CDYL2: variants seen among roughly 807,000 people sequenced by gnomAD.
The protein encoded by CDYL2 is chromodomain Y like 2.
CDYL2 carries 23 observed loss-of-function variants against 49.4 expected under a neutral mutation model. The observed-to-expected ratio is 0.47, with a 90% CI of 0.34 to 0.66. CDYL2 has a LOEUF of 0.66. CDYL2 is among the 30% of genes least tolerant of loss of function. CDYL2 has a pLI of 0.01. For missense variants in CDYL2, 678 were observed against 656.4 expected (o/e 1.03, Z -0.36); for synonymous variants, 360 against 268.8 (o/e 1.34, Z -3.32).
chr16:80,663,281 G>A (rs1375936729), intron 2 of CDYL2, among the ~76,000 whole-genome samples: 1 of 151,586 alleles, frequency 6.6e-6, no homozygotes, highest in African/African-American at 2.4e-5. Flanking sequence ...ATGTCAGGAG[G>A]TGAGGTGGAG....
intron 2 of CDYL2, among the ~76,000 whole-genome samples, chr16:80,660,773 G>T (rs547365479): frequency 1.4e-4 from 22 of 152,260 alleles, no homozygotes; most frequent in African/African-American, 5.1e-4. Context: ...GCAAAGAGGG[G>T]AAGAAAAACT....
intron 3 of CDYL2, among the ~76,000 whole-genome samples, chr16:80,625,627 AAATAAC>A (rs1386300916): frequency 1.3e-5 from 2 of 152,242 alleles, no homozygotes; most frequent in Non-Finnish European, 2.9e-5. Context: ...TAAGCAATAG[AAATAAC>A]AATACACGCA....
At chr16:80,798,905 G>C (rs1233385425) in intron 1 of CDYL2, among the ~76,000 whole-genome samples, 3 of 151,946 alleles carry the variant, frequency 2.0e-5, no homozygotes, top group African/African-American at 7.3e-5. Context: ...GATAACAGGG[G>C]ATTAGTTATA....
intron 1 of CDYL2, among the ~76,000 whole-genome samples, chr16:80,733,769 G>C (rs1001040483): frequency 2.0e-5 from 3 of 152,168 alleles, no homozygotes; most frequent in Admixed American, 6.5e-5. Flanking sequence ...CACAGACCCA[G>C]TGATTGCCTT....
chr16:80,670,709 G>A (rs1225092996), intron 2 of CDYL2, among the ~76,000 whole-genome samples: 2 of 152,058 alleles, frequency 1.3e-5, no homozygotes, highest in African/African-American at 2.4e-5. Flanking sequence ...GGCTCATTTT[G>A]CCCCAGGGTC....
At chr16:80,798,580 A>G (rs1907834742) in intron 1 of CDYL2, among the ~76,000 whole-genome samples, 1 of 152,248 alleles carries the variant, frequency 6.6e-6, no homozygotes, top group African/African-American at 2.4e-5. Flanking sequence ...AGAATAGAGT[A>G]TATACTACAT....
chr16:80,641,734 C>A lies in CDYL2; in HGVS notation c.617-8498G>T, dbSNP rs377567786. On this transcript the variant is annotated intron_variant, in intron 2 of 6. Coordinates refer to ENST00000570137, the MANE Select transcript of CDYL2 (RefSeq NM_152342.4). ...GACACAGGAAGGGGAACATCACACT[C>A]TGGGGACTGTTGTGGGGTGGGGGGA... is the stretch of plus-strand genomic sequence containing the variant. Among the ~76,000 whole-genome samples, 202 of 114,606 alleles carry A rather than the reference C, an allele frequency of 1.8e-3. 1 individual carries two copies. The highest frequency in any genetic ancestry group is 2.8e-3 in the Admixed American group (21 of 7,482). 75.2% of individuals were successfully genotyped at this position (114,606 alleles called of 152,430 possible).
intron 1 of CDYL2, among the ~76,000 whole-genome samples, chr16:80,803,856 C>A (rs1908008028): frequency 6.8e-6 from 1 of 146,654 alleles, no homozygotes; most frequent in Non-Finnish European, 1.5e-5. Context: ...CCCGGCTCCG[C>A]CCGGCTTCCT....
chr16:80,727,049 G>A (rs1374987750), intron 1 of CDYL2, among the ~76,000 whole-genome samples: 2 of 152,352 alleles, frequency 1.3e-5, no homozygotes, highest in East Asian at 1.9e-4. Flanking sequence ...CTGTGCCTGG[G>A]CAAGAGAGCA....
At chr16:80,696,892 G>A (rs1910633909) in intron 1 of CDYL2, among the ~76,000 whole-genome samples, 1 of 152,168 alleles carries the variant, frequency 6.6e-6, no homozygotes, top group Non-Finnish European at 1.5e-5. Context: ...AGCTCCTCTG[G>A]AGGTGGAAGT....
intron 2 of CDYL2, among the ~76,000 whole-genome samples, chr16:80,676,036 C>G (rs953478204): frequency 1.4e-4 from 22 of 152,112 alleles, no homozygotes; most frequent in African/African-American, 5.1e-4. Context: ...ATTCAGGAGC[C>G]AAGCGGGGAG....
chr16:80,620,614 T>G, intron 4 of CDYL2, 149 bp downstream of exon 4: 7 of 596,640 alleles, frequency 1.2e-5, no homozygotes, highest in Non-Finnish European at 1.7e-5. Flanking sequence ...TTTAAAAATG[T>G]AAGCAGACCT....
chr16:80,684,448 T>C lies in CDYL2; in HGVS notation c.616+90A>G, dbSNP rs1317513824. 7.6e-6 allele frequency: 9 copies of C among 1,188,428 alleles called. No individual in the cohort carries two copies. In the African/African-American group the frequency reaches 1.4e-4, roughly 18 times the overall value. The allele number at this position is 1,188,428 out of a possible 1,614,324, so 73.6% of individuals were successfully genotyped here. A position where few individuals can be genotyped will look rare whatever the true frequency, so the allele number is the denominator to read the frequency against. Reference sequence around the variant, plus strand: ...GCTAGCTAAGAGACGGGGATGGAGGTGGGGGTCTTATGTATGTCCCTAGGC... The same window carrying C: ...GCTAGCTAAGAGACGGGGATGGAGGCGGGGGTCTTATGTATGTCCCTAGGC... On this transcript the variant is annotated intron_variant, in intron 2 of 6. Coordinates refer to ENST00000570137, the MANE Select transcript of CDYL2 (RefSeq NM_152342.4).
At chr16:80,776,145 C>T (rs1432507314) in intron 1 of CDYL2, among the ~76,000 whole-genome samples, 2 of 152,076 alleles carry the variant, frequency 1.3e-5, no homozygotes, top group South Asian at 2.1e-4. Flanking sequence ...ACTGAAAGTA[C>T]ATTTTACTTA....
intron 2 of CDYL2, among the ~76,000 whole-genome samples, chr16:80,634,554 G>C (rs113013457): frequency 0.059 from 8,938 of 152,216 alleles, 798 homozygotes; most frequent in African/African-American, 0.2. Context: ...TAAATGAAGA[G>C]TTAATGGGTA....
intron 6 of CDYL2, among the ~76,000 whole-genome samples, chr16:80,606,483 T>G (rs1906339193): frequency 6.6e-6 from 1 of 152,090 alleles, no homozygotes; most frequent in East Asian, 1.9e-4. Context: ...GTCACATGTT[T>G]CCTAGCATCC....
At chr16:80,775,813 T>C (rs1023043898) in intron 1 of CDYL2, among the ~76,000 whole-genome samples, 1 of 151,518 alleles carries the variant, frequency 6.6e-6, no homozygotes, top group Non-Finnish European at 1.5e-5. Context: ...GATATAGTAC[T>C]TAATAAGCTT....
intron 2 of CDYL2, among the ~76,000 whole-genome samples, chr16:80,659,416 CTAAAA>C (rs1000667109): frequency 3.3e-5 from 5 of 151,990 alleles, no homozygotes; most frequent in African/African-American, 1.2e-4. Flanking sequence ...TGAATGTGGG[CTAAAA>C]TAAAAGTATT....
chr16:80,656,561 A>G (rs897227230), intron 2 of CDYL2, among the ~76,000 whole-genome samples: 2 of 152,366 alleles, frequency 1.3e-5, no homozygotes, highest in South Asian at 4.1e-4. Context: ...AGCCCCCATC[A>G]TGCTAGTTTC....
Sources: gnomAD v4.1 joint callset for allele counts (sites outside exome capture counted in the v4.1 genomes callset) on GRCh38, gnomAD v4.1.1 for gene constraint, MANE v1.5 for transcripts, NCBI Gene and HGNC (gene_info 2026-07-23, HGNC 2026-07-21) for gene names.